The following KIAA1671 variants were observed in gnomAD, a reference collection of about 807,000 sequenced individuals.
KIAA1671 encodes uncharacterized protein KIAA1671.
Under a neutral mutation model 131.2 loss-of-function variants are expected in KIAA1671, and 52 were observed. The observed-to-expected ratio is 0.40, with a 90% CI of 0.32 to 0.50. The LOEUF (loss-of-function observed/expected upper bound fraction) is 0.50, where lower values mean the gene tolerates loss of function less well. KIAA1671 is among the 20% of genes least tolerant of loss of function. The pLI, the probability that KIAA1671 is intolerant of heterozygous loss-of-function variation, is 0.73. For missense variants in KIAA1671, 2,360 were observed against 2,364.2 expected, an observed-to-expected ratio of 1.00 and a Z score of 0.04; for synonymous variants, 1,003 against 961.6, an observed-to-expected ratio of 1.04 and a Z score of -0.80.
At chr22:24,989,884 C>G (rs925565379) in intron 1 of KIAA1671, among the ~76,000 whole-genome samples, 2 of 152,090 alleles carry the variant, frequency 1.3e-5, no homozygotes, top group Non-Finnish European at 2.9e-5. Context: ...AAAAGGCTGT[C>G]CTCTTAAAAC....
intron 12 of KIAA1671, among the ~76,000 whole-genome samples, chr22:25,191,084 G>T (rs1934658704): frequency 6.6e-6 from 1 of 151,774 alleles, no homozygotes; most frequent in South Asian, 2.1e-4. Flanking sequence ...CTGCATCACA[G>T]TCCCCTCTGA....
intron 6 of KIAA1671, among the ~76,000 whole-genome samples, chr22:25,103,391 C>G (rs2145900124): frequency 6.6e-6 from 1 of 151,880 alleles, no homozygotes; most frequent in Middle Eastern, 3.4e-3. Context: ...CGGAGTCTTG[C>G]TCTGTTGCCC....
chr22:24,965,411 G>A lies in KIAA1671; in HGVS notation c.-208+12639G>A, dbSNP rs1456013863. Reference sequence around the variant, plus strand: ...GCCTGGGTGACAAGAATGAAACTCCGTTTAAAAAAAAAAAACGGGAGACCT... The same window carrying A: ...GCCTGGGTGACAAGAATGAAACTCCATTTAAAAAAAAAAAACGGGAGACCT... On this transcript the variant is annotated intron_variant, in intron 1 of 12. Transcript: ENST00000358431. Among the ~76,000 whole-genome samples, 6 of 148,244 alleles carry A rather than the reference G, an allele frequency of 4.0e-5. No homozygotes were observed. In the East Asian group the frequency reaches 6.0e-4, roughly 15 times the overall value.
chr22:25,149,324 C>G (rs1437102811), intron 6 of KIAA1671, among the ~76,000 whole-genome samples: 1 of 152,240 alleles, frequency 6.6e-6, no homozygotes, highest in Non-Finnish European at 1.5e-5. Context: ...CCTTCATGGT[C>G]TGCATCTGAC....
At chr22:25,049,177 C>T in intron 5 of KIAA1671, 53 bp from the exon 6 acceptor site, 4 of 1,524,298 alleles carry the variant, frequency 2.6e-6, no homozygotes, top group South Asian at 1.2e-5. Context: ...ATATTTTTTC[C>T]TGTAAATGAG....
chr22:25,041,749 ATTTG>A (rs1363017465), intron 5 of KIAA1671, among the ~76,000 whole-genome samples: 1 of 150,632 alleles, frequency 6.6e-6, no homozygotes, highest in Non-Finnish European at 1.5e-5. Flanking sequence ...TTGTTTGTTT[ATTTG>A]TTTGTTTGAA....
intron 1 of KIAA1671, among the ~76,000 whole-genome samples, chr22:24,956,247 T>A (rs73879170): frequency 1.3e-5 from 2 of 152,152 alleles, no homozygotes; most frequent in Non-Finnish European, 2.9e-5. Flanking sequence ...GGGAGTGGTA[T>A]CAGTACTGAA....
intron 7 of KIAA1671, among the ~76,000 whole-genome samples, 173 bp downstream of exon 7, chr22:25,171,111 G>C (rs1175548554): frequency 1.3e-5 from 2 of 152,062 alleles, no homozygotes; most frequent in Admixed American, 6.5e-5. Context: ...TAATAATAAA[G>C]ATTATGGGCC....
intron 1 of KIAA1671, among the ~76,000 whole-genome samples, chr22:24,966,131 C>T (rs1034199435): frequency 6.6e-6 from 1 of 152,236 alleles, no homozygotes; most frequent in Non-Finnish European, 1.5e-5. Flanking sequence ...ATACCCCTGC[C>T]TGTTGGAGAA....
chr22:25,174,154 T>C (rs1933942225), intron 7 of KIAA1671, 86 bp from the exon 8 acceptor site: 1 of 1,424,938 alleles, frequency 7.0e-7, no homozygotes, highest in Non-Finnish European at 9.5e-7. Flanking sequence ...ACCCAAGCTA[T>C]GCTGCCTGCA....
intron 3 of KIAA1671, among the ~76,000 whole-genome samples, chr22:25,031,018 G>A (rs1926256812): frequency 6.6e-6 from 1 of 152,050 alleles, no homozygotes; most frequent in Non-Finnish European, 1.5e-5. Context: ...TTCTATTTTG[G>A]TAGTTTTTAT....
chr22:25,169,858 G>A (rs909728592), intron 6 of KIAA1671, among the ~76,000 whole-genome samples: 3 of 152,208 alleles, frequency 2.0e-5, no homozygotes, highest in Non-Finnish European at 2.9e-5. Flanking sequence ...CAGTGGTTTG[G>A]ACCTGGGGGT....
At chr22:25,072,300 T>C (rs1928872606) in intron 6 of KIAA1671, among the ~76,000 whole-genome samples, 1 of 152,176 alleles carries the variant, frequency 6.6e-6, no homozygotes, top group African/African-American at 2.4e-5. Flanking sequence ...TCTAGTGACC[T>C]TGGGCAAGTC....
At chr22:25,027,142 G>A (rs915559095) in intron 2 of KIAA1671, among the ~76,000 whole-genome samples, 1 of 151,810 alleles carries the variant, frequency 6.6e-6, no homozygotes, top group Non-Finnish European at 1.5e-5. Context: ...CATAATATGC[G>A]TGTTCAACAG....
intron 6 of KIAA1671, among the ~76,000 whole-genome samples, chr22:25,100,409 G>A (rs1268647655): frequency 1.3e-5 from 2 of 152,180 alleles, no homozygotes; most frequent in African/African-American, 4.8e-5. Flanking sequence ...GAAGGGAGGA[G>A]GAACACAGGG....
In KIAA1671 at chr22:25,039,285, C is replaced by A; in HGVS notation, c.2155C>A (p.His719Asn). The change falls in exon 5 of 13, where the codon CAC becomes AAC. Residue 719 changes from histidine (H) to asparagine (N), a missense_variant. By Grantham distance (68) the His-to-Asn change is moderately conservative. This residue lies in a region of KIAA1671 where 1,185 missense variants were observed against 1,126.2 expected (regional missense o/e 1.05). Coordinates refer to ENST00000358431, the MANE Select transcript of KIAA1671 (RefSeq NM_001145206.2). The part of the protein sequence containing the change: ...ENHNNNTFLK[H>N]LENPPTSQRI... ...CCACAATAATAACACCTTCCTCAAA[C>A]ACTTGGAAAATCCTCCCACATCGCA... 6.4e-7 allele frequency: 1 copy of A among 1,552,272 alleles called. No individual in the cohort carries two copies. Among genetic ancestry groups the A allele is most frequent in the African/African-American group, 1.4e-5 (1 of 73,186 alleles).
intron 6 of KIAA1671, among the ~76,000 whole-genome samples, chr22:25,156,523 A>G (rs1933249090): frequency 6.6e-6 from 1 of 151,510 alleles, no homozygotes; most frequent in Non-Finnish European, 1.5e-5. Context: ...GTGTGTATAT[A>G]TGTGTATGTG....
At chr22:25,122,601 A>C (rs375169761) in intron 6 of KIAA1671, among the ~76,000 whole-genome samples, 8 of 152,256 alleles carry the variant, frequency 5.3e-5, no homozygotes, top group Admixed American at 2.6e-4. Flanking sequence ...CTTGCCCTTG[A>C]ATTCTTTCTT....
At chr22:25,060,027 G>A (rs925458012) in intron 6 of KIAA1671, 1 of 152,142 alleles carries the variant, frequency 6.6e-6, no homozygotes, top group African/African-American at 2.4e-5. Context: ...TTCTGCATCG[G>A]GAGCTGTGCC....
Sources: allele counts gnomAD v4.1 joint callset (sites outside exome capture counted in the v4.1 genomes callset), GRCh38; gene constraint gnomAD v4.1.1; regional missense constraint gnomAD v4.1.1; transcripts MANE v1.5; gene names NCBI Gene and HGNC (gene_info 2026-07-23, HGNC 2026-07-21).